The following DDX10 variants were observed in gnomAD, a reference collection of about 807,000 sequenced individuals.
DDX10 encodes probable ATP-dependent RNA helicase DDX10.
A neutral mutation model predicts 104.3 loss-of-function variants in DDX10; 74 were observed. The ratio of observed to expected loss-of-function variants is 0.71; its 90% CI spans 0.59 to 0.86. The LOEUF is 0.86. Among genes scored for constraint, DDX10 ranks in the 40% least tolerant of loss-of-function variants. The probability of loss-of-function intolerance (pLI) is 0.00; values close to 1 mark genes in which losing one functional copy is unlikely to be tolerated. For synonymous variants in DDX10, 351 were observed against 353.4 expected, an observed-to-expected ratio of 0.99 and a Z score of 0.08; for missense variants, 952 against 1,040.0, an observed-to-expected ratio of 0.92 and a Z score of 1.16.
rs148757704 is a variant in DDX10, at chr11:108,691,939, G to C, written c.1039G>C (p.Gly347Arg). 3.1e-6 allele frequency: 5 copies of C among 1,613,988 alleles called. No homozygotes were observed. In the South Asian group the frequency reaches 5.5e-5, roughly 18 times the overall value. The change falls in exon 8 of 18, where the codon GGT becomes CGT. Residue 347 changes from glycine (G) to arginine (R), a missense_variant. Coordinates refer to ENST00000322536, the MANE Select transcript of DDX10 (RefSeq NM_004398.4). ...RPGVSILALH[G>R]RQQQMRRMEV... Reference sequence around the variant, plus strand: ...TGGTGTTTCTATCCTTGCACTCCATGGTCGACAGCAGCAAATGAGAAGAAT... The same window carrying C: ...TGGTGTTTCTATCCTTGCACTCCATCGTCGACAGCAGCAAATGAGAAGAAT...
intron 16 of DDX10, among the ~76,000 whole-genome samples, chr11:108,904,871 T>C (rs1263484690): frequency 6.6e-6 from 1 of 152,202 alleles, no homozygotes; most frequent in Non-Finnish European, 1.5e-5. Flanking sequence ...AATGTTGCAT[T>C]TGTGCTTTTA....
intron 13 of DDX10, among the ~76,000 whole-genome samples, chr11:108,823,923 T>G (rs1419582109): frequency 6.6e-6 from 1 of 152,196 alleles, no homozygotes; most frequent in African/African-American, 2.4e-5. Context: ...TACTGGCACA[T>G]TCTTGCTGAG....
chr11:108,929,148 A>G (rs1443300522), intron 17 of DDX10, among the ~76,000 whole-genome samples: 1 of 152,236 alleles, frequency 6.6e-6, no homozygotes, highest in Non-Finnish European at 1.5e-5. Context: ...TGACTGGCAG[A>G]GAGCAATAAA....
chr11:108,860,878 A>G (rs1862932309), intron 16 of DDX10: 1 of 152,060 alleles, frequency 6.6e-6, no homozygotes, highest in South Asian at 2.1e-4. Context: ...GGAAGGCTCC[A>G]TTTCCTCCAT....
At chr11:108,865,583 C>T (rs755209035) in intron 16 of DDX10, among the ~76,000 whole-genome samples, 4 of 151,856 alleles carry the variant, frequency 2.6e-5, no homozygotes, top group African/African-American at 2.4e-5. Context: ...TTTACTGGCA[C>T]ACAAGAAGAA....
At chr11:108,845,077 G>A (rs956123127) in intron 15 of DDX10, among the ~76,000 whole-genome samples, 1 of 151,938 alleles carries the variant, frequency 6.6e-6, no homozygotes, top group African/African-American at 2.4e-5. Context: ...TCGTGATGGC[G>A]GGCGCCTGTA....
intron 13 of DDX10, among the ~76,000 whole-genome samples, chr11:108,799,707 A>G (rs946419798): frequency 6.6e-6 from 1 of 152,078 alleles, no homozygotes; most frequent in Non-Finnish European, 1.5e-5. Flanking sequence ...CTCCTCTGGA[A>G]TGTTTGTTTT....
chr11:108,765,893 T>G (rs1433978220), intron 13 of DDX10, among the ~76,000 whole-genome samples: 5 of 152,340 alleles, frequency 3.3e-5, no homozygotes, highest in Admixed American at 2.6e-4. Context: ...TTGTTGAATT[T>G]GGACACATTT....
intron 13 of DDX10, among the ~76,000 whole-genome samples, chr11:108,769,359 A>G (rs747971832): frequency 1.3e-5 from 2 of 151,804 alleles, no homozygotes; most frequent in African/African-American, 4.8e-5. Context: ...TATCTGATTT[A>G]TGGTTTTAAC....
intron 10 of DDX10, among the ~76,000 whole-genome samples, chr11:108,713,879 G>T (rs533361490): frequency 6.6e-6 from 1 of 152,140 alleles, no homozygotes; most frequent in Admixed American, 6.5e-5. Flanking sequence ...CTATGCCTCC[G>T]GACTGTGAAC....
intron 17 of DDX10, among the ~76,000 whole-genome samples, chr11:108,930,049 G>A (rs1385637907): frequency 1.3e-5 from 2 of 152,000 alleles, no homozygotes; most frequent in Non-Finnish European, 2.9e-5. Flanking sequence ...GTTCACTTTC[G>A]GCATTGTATA....
At chr11:108,931,850 A>G (rs754263809) in intron 17 of DDX10, among the ~76,000 whole-genome samples, 15 of 150,128 alleles carry the variant, frequency 1.0e-4, no homozygotes, top group Non-Finnish European at 1.5e-4. Flanking sequence ...TGTGTGTTCT[A>G]TGCCTTGTGG....
At chr11:108,742,865 A>G (rs756718602) in intron 13 of DDX10, among the ~76,000 whole-genome samples, 6 of 152,216 alleles carry the variant, frequency 3.9e-5, no homozygotes, top group Non-Finnish European at 5.9e-5. Flanking sequence ...TGAAGAGACC[A>G]ATAATGAGTT....
chr11:108,870,953 G>A (rs865932245), intron 16 of DDX10, among the ~76,000 whole-genome samples: 19 of 152,248 alleles, frequency 1.2e-4, no homozygotes, highest in Middle Eastern at 3.4e-3. Context: ...CAAAATTGAA[G>A]AATTATAGCA....
At chr11:108,724,402 A>G (rs1331416511) in intron 13 of DDX10, among the ~76,000 whole-genome samples, 1 of 152,108 alleles carries the variant, frequency 6.6e-6, no homozygotes, top group Non-Finnish European at 1.5e-5. Context: ...CTATCTCATT[A>G]TACAGGTGAC....
chr11:108,676,839 G>A (rs369371598), intron 3 of DDX10, among the ~76,000 whole-genome samples: 17 of 152,288 alleles, frequency 1.1e-4, no homozygotes, highest in South Asian at 6.2e-4. Context: ...CTGATAGCCA[G>A]TTTCCTGATG....
chr11:108,705,959 T>A (rs1409088359), intron 9 of DDX10, among the ~76,000 whole-genome samples: 1 of 152,160 alleles, frequency 6.6e-6, no homozygotes, highest in African/African-American at 2.4e-5. Flanking sequence ...AGCATTTTAC[T>A]TGAACAGTTC....
At chr11:108,875,037 T>C (rs1436046157) in intron 16 of DDX10, among the ~76,000 whole-genome samples, 1 of 152,134 alleles carries the variant, frequency 6.6e-6, no homozygotes, top group Non-Finnish European at 1.5e-5. Context: ...CATGTAAAGG[T>C]ACCACAGCTA....
chr11:108,874,225 T>A (rs1410556347), intron 16 of DDX10, among the ~76,000 whole-genome samples: 2 of 152,108 alleles, frequency 1.3e-5, no homozygotes, highest in South Asian at 2.1e-4. Flanking sequence ...TTAAAATAAA[T>A]TTTTTTTGAA....
Sources: allele counts gnomAD v4.1 joint callset (sites outside exome capture counted in the v4.1 genomes callset), GRCh38; gene constraint gnomAD v4.1.1; transcripts MANE v1.5; gene names NCBI Gene and HGNC (gene_info 2026-07-23, HGNC 2026-07-21).